The following CSMD1 variants were observed in gnomAD, a reference collection of about 807,000 sequenced individuals.
The protein encoded by CSMD1 is CUB and Sushi multiple domains 1.
A neutral mutation model predicts 417.5 loss-of-function variants in CSMD1; 213 were observed. That is an observed-to-expected ratio of 0.51 (90% CI 0.46 to 0.57). The LOEUF is 0.57. CSMD1 is among the 20% of genes least tolerant of loss of function. CSMD1 has a pLI of 0.00. For missense variants in CSMD1, 6,923 were observed against 4,529.7 expected (o/e 1.53, Z -15.17); for synonymous variants, 2,862 against 1,736.8 (o/e 1.65, Z -16.11).
intron 3 of CSMD1, among the ~76,000 whole-genome samples, chr8:4,062,383 T>A (rs1799021496): frequency 6.6e-6 from 1 of 151,950 alleles, no homozygotes; most frequent in Admixed American, 6.6e-5. Flanking sequence ...TCTCAAGCAA[T>A]AAGAGGGCAA....
intron 7 of CSMD1, among the ~76,000 whole-genome samples, chr8:3,644,517 G>T (rs928773024): frequency 6.6e-6 from 1 of 152,148 alleles, no homozygotes; most frequent in Non-Finnish European, 1.5e-5. Context: ...AAGAAGATGG[G>T]GAAGATGATG....
intron 3 of CSMD1, among the ~76,000 whole-genome samples, chr8:4,275,666 T>G (rs1585140746): frequency 6.6e-6 from 1 of 152,170 alleles, no homozygotes; most frequent in Non-Finnish European, 1.5e-5. Context: ...ATGCAAAAAT[T>G]GTATACGTTT....
intron 3 of CSMD1, among the ~76,000 whole-genome samples, chr8:4,338,337 C>G (rs1228591327): frequency 2.0e-5 from 3 of 152,034 alleles, no homozygotes; most frequent in Non-Finnish European, 1.5e-5. Flanking sequence ...GTGATCTGTT[C>G]CAGGGCTCTC....
chr8:2,954,214 G>GATT lies in CSMD1; in HGVS notation c.10039+9_10039+10insAAT. On this transcript the variant is annotated intron_variant, in intron 65 of 69. Transcript: ENST00000635120. Reference sequence around the variant, plus strand: ...TGGATTGAAATCTAGAACTGTTCTGGTATACAAACCTGGAGTTTTAGTAAC... The same window carrying GATT: ...TGGATTGAAATCTAGAACTGTTCTGGATTTATACAAACCTGGAGTTTTAGTAAC... 1 of 1,468,278 alleles carries GATT rather than the reference G, an allele frequency of 6.8e-7. No homozygotes were observed. Among genetic ancestry groups the GATT allele is most frequent in the African/African-American group, 1.4e-5 (1 of 71,038 alleles). 91.0% of individuals were successfully genotyped at this position (1,468,278 alleles called of 1,614,324 possible). A position where few individuals can be genotyped will look rare whatever the true frequency, so the allele number is the denominator to read the frequency against.
At chr8:3,932,285 G>T (rs932372597) in intron 5 of CSMD1, among the ~76,000 whole-genome samples, 2 of 150,586 alleles carry the variant, frequency 1.3e-5, no homozygotes, top group African/African-American at 4.9e-5. Context: ...GAATTCTCAA[G>T]AAGTTTTGTT....
chr8:2,946,229 C>T (rs930778152), intron 68 of CSMD1, among the ~76,000 whole-genome samples: 8 of 152,168 alleles, frequency 5.3e-5, no homozygotes, highest in East Asian at 3.9e-4. Flanking sequence ...TGTCATTATG[C>T]GATGCGTGAC....
chr8:3,866,403 G>A (rs1339451283), intron 5 of CSMD1, among the ~76,000 whole-genome samples: 1 of 152,142 alleles, frequency 6.6e-6, no homozygotes, highest in African/African-American at 2.4e-5. Flanking sequence ...AGCTCATATG[G>A]TTTAGTAAAT....
At chr8:3,326,992 T>C (rs1005313377) in intron 23 of CSMD1, among the ~76,000 whole-genome samples, 4 of 150,864 alleles carry the variant, frequency 2.7e-5, no homozygotes, top group Non-Finnish European at 4.4e-5. Flanking sequence ...GCCTGGGCAA[T>C]AGAGCAAGAC....
chr8:4,902,269 A>G (rs1180419821), intron 1 of CSMD1, among the ~76,000 whole-genome samples: 2 of 140,156 alleles, frequency 1.4e-5, no homozygotes, highest in African/African-American at 5.4e-5. Flanking sequence ...ATCTCGCTCT[A>G]TCTATTAAAA....
chr8:3,768,199 T>C (rs1023278330), intron 5 of CSMD1, among the ~76,000 whole-genome samples: 1 of 151,678 alleles, frequency 6.6e-6, no homozygotes, highest in Admixed American at 6.6e-5. Context: ...TTAGGAAGAG[T>C]GGTTCCTGGC....
chr8:4,792,667 A>G (rs1585106415), intron 1 of CSMD1, among the ~76,000 whole-genome samples: 2 of 152,162 alleles, frequency 1.3e-5, no homozygotes, highest in South Asian at 2.1e-4. Flanking sequence ...GGGACACTCA[A>G]TTTATAATCA....
chr8:3,082,885 T>G (rs1029399524), intron 49 of CSMD1, among the ~76,000 whole-genome samples: 1 of 152,188 alleles, frequency 6.6e-6, no homozygotes, highest in Non-Finnish European at 1.5e-5. Flanking sequence ...ATGTGCTATG[T>G]GGAGATTCTC....
chr8:4,184,850 C>A (rs1200920881), intron 3 of CSMD1, among the ~76,000 whole-genome samples: 1 of 152,064 alleles, frequency 6.6e-6, no homozygotes, highest in Non-Finnish European at 1.5e-5. Flanking sequence ...AATACCCCAA[C>A]ACTTTCGGAG....
At chr8:3,354,496 C>T (rs1585043400) in intron 21 of CSMD1, among the ~76,000 whole-genome samples, 2 of 152,090 alleles carry the variant, frequency 1.3e-5, no homozygotes, top group East Asian at 3.9e-4. Flanking sequence ...AAACCAAGTT[C>T]ATTGTGTTCT....
At chr8:3,520,308 A>T (rs1036772132) in intron 10 of CSMD1, among the ~76,000 whole-genome samples, 11 of 152,190 alleles carry the variant, frequency 7.2e-5, no homozygotes, top group Non-Finnish European at 1.5e-5. Context: ...AATGTTGAAG[A>T]ACTGGCTTTG....
At chr8:3,225,803 G>A (rs1360946592) in intron 27 of CSMD1, among the ~76,000 whole-genome samples, 2 of 152,138 alleles carry the variant, frequency 1.3e-5, no homozygotes, top group Non-Finnish European at 2.9e-5. Context: ...TCTCTCTTTT[G>A]GTCTGGTATT....
intron 26 of CSMD1, among the ~76,000 whole-genome samples, chr8:3,263,449 G>A (rs1013403442): frequency 2.6e-5 from 4 of 152,044 alleles, no homozygotes; most frequent in East Asian, 1.9e-4. Flanking sequence ...TGTATATATG[G>A]ATACATTGGG....
chr8:4,339,951 T>C (rs896415747), intron 3 of CSMD1, among the ~76,000 whole-genome samples: 3 of 152,032 alleles, frequency 2.0e-5, no homozygotes, highest in African/African-American at 7.2e-5. Context: ...CTTGAGTTCA[T>C]AAGTTGGAGG....
intron 5 of CSMD1, among the ~76,000 whole-genome samples, chr8:3,828,285 C>G (rs1474667393): frequency 6.6e-6 from 1 of 152,122 alleles, no homozygotes; most frequent in Non-Finnish European, 1.5e-5. Flanking sequence ...TCCGAACATG[C>G]TTATTTTCAG....
Sources: allele counts gnomAD v4.1 joint callset (sites outside exome capture counted in the v4.1 genomes callset), GRCh38; gene constraint gnomAD v4.1.1; transcripts MANE v1.5; gene names NCBI Gene and HGNC (gene_info 2026-07-23, HGNC 2026-07-21).